The following GID4 variants were observed in gnomAD, a reference collection of about 807,000 sequenced individuals.
The protein encoded by GID4 is glucose-induced degradation protein 4 homolog.
A neutral mutation model predicts 32.4 loss-of-function variants in GID4; 7 were observed. The observed-to-expected ratio is 0.22, with a 90% CI of 0.12 to 0.41. GID4 has a LOEUF of 0.41. Ranked by LOEUF, GID4 falls within the 10% of genes least tolerant of loss-of-function variation. The pLI is 1.00. For synonymous variants in GID4, 166 were observed against 170.0 expected, an observed-to-expected ratio of 0.98 and a Z score of 0.18; for missense variants, 309 against 400.0, an observed-to-expected ratio of 0.77 and a Z score of 1.94.
chr17:18,053,600 G>A (rs1438060996), intron 2 of GID4, among the ~76,000 whole-genome samples: 10 of 152,026 alleles, frequency 6.6e-5, no homozygotes, highest in African/African-American at 2.4e-5. Context: ...CTGGGCGACA[G>A]AGCAAGACTC....
At chr17:18,046,570 T>C (rs1010621355) in intron 2 of GID4, among the ~76,000 whole-genome samples, 3 of 151,032 alleles carry the variant, frequency 2.0e-5, no homozygotes, top group African/African-American at 7.3e-5. Context: ...ATCATGCCTG[T>C]GAATAGCCAC....
chr17:18,064,121 A>G (rs1391028129), intron 5 of GID4, among the ~76,000 whole-genome samples: 1 of 152,240 alleles, frequency 6.6e-6, no homozygotes, highest in Non-Finnish European at 1.5e-5. Flanking sequence ...TCTTGTGAAT[A>G]ATGCTGCTGT....
At position 18,039,455 on chromosome 17, in the gene GID4, GTGTGTGTGTA is replaced by G; in HGVS notation, c.-3_7del. ...GTGTGTTGTGTGTCTGTGAGTGTCT[GTGTGTGTGTA>G]TGTGTGCGCGAGGGCAAGTCGGGAG... On this transcript the variant is annotated start_lost and 5_prime_UTR_variant, in exon 1 of 6. Coordinates refer to ENST00000268719, the MANE Select transcript of GID4 (RefSeq NM_024052.5). This position sits in a 1 kb window ranked among gnomAD's most constrained non-coding sequence, Gnocchi z 5.3. 7.4e-7 allele frequency: 1 copy of G among 1,353,206 alleles called. No individual in the cohort carries two copies. The allele number at this position is 1,353,206 out of a possible 1,614,324, so 83.8% of individuals were successfully genotyped here. A position where few individuals can be genotyped will look rare whatever the true frequency, so the allele number is the denominator to read the frequency against.
intron 5 of GID4, 62 bp from the exon 6 acceptor site, chr17:18,065,118 A>T: frequency 8.2e-7 from 1 of 1,219,806 alleles, no homozygotes; most frequent in South Asian, 1.2e-5. Context: ...GGGGTTACTA[A>T]TGTCCTTTGC....
chr17:18,044,406 T>C (rs975756601), intron 1 of GID4, among the ~76,000 whole-genome samples: 2 of 152,204 alleles, frequency 1.3e-5, no homozygotes, highest in African/African-American at 4.8e-5. Context: ...CGGCAGTGTC[T>C]CAGCAACCAG....
chr17:18,062,555 C>A (rs973100670), intron 5 of GID4, among the ~76,000 whole-genome samples: 15 of 152,156 alleles, frequency 9.9e-5, no homozygotes, highest in African/African-American at 3.6e-4. Context: ...TTGCTGTCCC[C>A]GGAGGGCAAA....
intron 3 of GID4, among the ~76,000 whole-genome samples, chr17:18,055,230 T>C (rs2044954773): frequency 6.6e-6 from 1 of 151,722 alleles, no homozygotes; most frequent in East Asian, 1.9e-4. Flanking sequence ...TAGTTGACCA[T>C]GGTGATGGTG....
At chr17:18,041,159 C>T (rs1267142910) in intron 1 of GID4, among the ~76,000 whole-genome samples, 3 of 152,140 alleles carry the variant, frequency 2.0e-5, no homozygotes, top group African/African-American at 7.2e-5. Flanking sequence ...CCTCCAAACA[C>T]CTGTCCCTCT....
intron 2 of GID4, among the ~76,000 whole-genome samples, chr17:18,049,617 A>G (rs983926681): frequency 2.0e-5 from 3 of 151,008 alleles, no homozygotes; most frequent in Non-Finnish European, 2.9e-5. Context: ...TCTACCCTCA[A>G]GTAGGCCCCA....
At chr17:18,041,476 G>A (rs1272730820) in intron 1 of GID4, among the ~76,000 whole-genome samples, 1 of 152,160 alleles carries the variant, frequency 6.6e-6, no homozygotes, top group African/African-American at 2.4e-5. Context: ...GTTCTATCAT[G>A]AGCCACGATA....
intron 2 of GID4, 83 bp downstream of exon 2, chr17:18,045,289 C>G (rs1332556507): frequency 2.6e-5 from 27 of 1,039,360 alleles, no homozygotes; most frequent in Non-Finnish European, 3.6e-5. Flanking sequence ...CAGGCGGTCT[C>G]AACTCCTTGA....
intron 2 of GID4, among the ~76,000 whole-genome samples, chr17:18,052,340 G>C (rs949834035): frequency 6.6e-6 from 1 of 152,170 alleles, no homozygotes; most frequent in Admixed American, 6.5e-5. Flanking sequence ...GTGACGTTCT[G>C]TTTCCTGGGA....
intron 5 of GID4, among the ~76,000 whole-genome samples, chr17:18,063,502 C>T (rs1483460824): frequency 6.6e-6 from 1 of 152,128 alleles, no homozygotes; most frequent in Non-Finnish European, 1.5e-5. Context: ...TAAGAGGAAA[C>T]CCCATACCCT....
intron 2 of GID4, among the ~76,000 whole-genome samples, chr17:18,051,845 C>T (rs1440178000): frequency 2.0e-5 from 3 of 152,106 alleles, no homozygotes; most frequent in South Asian, 2.1e-4. Context: ...GAGGCCGAGG[C>T]GGGTGGATCA....
At chr17:18,064,762 A>G (rs749547431) in intron 5 of GID4, among the ~76,000 whole-genome samples, 1 of 152,222 alleles carries the variant, frequency 6.6e-6, no homozygotes, top group African/African-American at 2.4e-5. Flanking sequence ...TTTAGATACC[A>G]TGAGAATCAG....
Position 18,039,597 on chromosome 17 carries a change from C to G in GID4, c.133C>G (p.Pro45Ala). 7.7e-7 allele frequency: 1 copy of G among 1,295,480 alleles called. No homozygotes were observed. Among genetic ancestry groups the G allele is most frequent in the East Asian group, 3.1e-5 (1 of 31,810 alleles). 80.2% of individuals were successfully genotyped at this position (1,295,480 alleles called of 1,614,324 possible). The change falls in exon 1 of 6, where the codon CCC becomes GCC. Residue 45 changes from proline to alanine, a missense_variant. Transcript: ENST00000268719. The surrounding 1 kb of genome is among the most constrained non-coding windows in gnomAD (Gnocchi z 5.3). ...RQRAGGRPSR[P>A]HPARARPGLS... ...GCGGGCGGGTGGTCGCCCCTCCCGC[C>G]CCCACCCCGCGCGTGCGCGCCCCGG...
At chr17:18,053,525 A>ATCACATAAACC (rs1244626997) in intron 2 of GID4, among the ~76,000 whole-genome samples, 1 of 152,044 alleles carries the variant, frequency 6.6e-6, no homozygotes, top group East Asian at 2.0e-4. Context: ...AGGTAGGAGA[A>ATCACATAAACC]TCACATAAAC....
chr17:18,041,340 T>C (rs755476667), intron 1 of GID4, among the ~76,000 whole-genome samples: 1 of 152,238 alleles, frequency 6.6e-6, no homozygotes, highest in Non-Finnish European at 1.5e-5. Flanking sequence ...TGAGGGTGCC[T>C]TTTCTTTCTG....
At chr17:18,041,701 G>C (rs2044805325) in intron 1 of GID4, among the ~76,000 whole-genome samples, 1 of 152,182 alleles carries the variant, frequency 6.6e-6, no homozygotes, top group African/African-American at 2.4e-5. Flanking sequence ...TGTTCAGTTT[G>C]ATGGTTTCTG....
Sources: gnomAD v4.1 joint callset for allele counts (sites outside exome capture counted in the v4.1 genomes callset) on GRCh38, gnomAD v4.1.1 for gene constraint, Gnocchi (gnomAD v3.1) non-coding constraint, MANE v1.5 for transcripts, NCBI Gene and HGNC (gene_info 2026-07-23, HGNC 2026-07-21) for gene names.